Variants in NCKAP5 observed in about 807,000 individuals in gnomAD.
The protein encoded by NCKAP5 is NCK associated protein 5, also known as nck-associated protein 5.
A neutral mutation model predicts 167.0 loss-of-function variants in NCKAP5; 92 were observed. The observed-to-expected ratio is 0.55, with a 90% CI of 0.47 to 0.66. The LOEUF (loss-of-function observed/expected upper bound fraction) is 0.66, where lower values mean the gene tolerates loss of function less well. NCKAP5 is among the 30% of genes least tolerant of loss of function. The pLI is 0.00. For synonymous variants in NCKAP5, 891 were observed against 877.4 expected (o/e 1.02, Z -0.27); for missense variants, 2,378 against 2,315.0 (o/e 1.03, Z -0.56).
chr2:133,622,929 G>T, the NCKAP5 span, among the ~76,000 whole-genome samples: 16 of 152,056 alleles, frequency 1.1e-4, no homozygotes, highest in Non-Finnish European at 1.8e-4. Flanking sequence ...CACCAAAACA[G>T]CATGATACTG....
intron 3 of NCKAP5, among the ~76,000 whole-genome samples, chr2:133,462,407 G>T (rs891824857): frequency 6.6e-6 from 1 of 152,042 alleles, no homozygotes. Context: ...TGCCGGCTTC[G>T]CAAGGCATTT....
At chr2:133,142,424 C>T (rs1382072371) in intron 5 of NCKAP5, among the ~76,000 whole-genome samples, 3 of 152,252 alleles carry the variant, frequency 2.0e-5, no homozygotes, top group South Asian at 4.1e-4. Context: ...ACAGAAGAAA[C>T]GCTTACATCA....
At chr2:133,271,811 A>G (rs1036736233) in intron 4 of NCKAP5, among the ~76,000 whole-genome samples, 1 of 152,230 alleles carries the variant, frequency 6.6e-6, no homozygotes, top group Non-Finnish European at 1.5e-5. Flanking sequence ...TGGGGGTAAA[A>G]GTGATACTGT....
intron 2 of NCKAP5, among the ~76,000 whole-genome samples, chr2:133,544,619 C>G (rs1351979141): frequency 6.6e-6 from 1 of 152,166 alleles, no homozygotes; most frequent in African/African-American, 2.4e-5. Context: ...ATGGGCACTT[C>G]ACTGACAAAT....
In NCKAP5 at chr2:133,251,142, T is replaced by C. The variant is rs893267929; in HGVS notation, c.144-37363A>G. 3.9e-5 allele frequency among the ~76,000 whole-genome samples: 6 copies of C among 152,246 alleles called. No homozygotes were observed. The East Asian group carries it at 7.7e-4, about 20-fold the overall frequency. On this transcript the variant is annotated intron_variant, in intron 4 of 19. Coordinates refer to ENST00000409261, the MANE Select transcript of NCKAP5 (RefSeq NM_207363.3). The stretch of plus-strand genomic sequence containing the variant: ...AGAAAAAATACAGTGTAACAACTGT[T>C]TACACAGCATTTACATTGTTTTAGG...
At chr2:133,200,359 C>A (rs1177182167) in intron 5 of NCKAP5, among the ~76,000 whole-genome samples, 1 of 151,914 alleles carries the variant, frequency 6.6e-6, no homozygotes, top group African/African-American at 2.4e-5. Flanking sequence ...AGCACCAAAG[C>A]AATTCAATAA....
chr2:132,711,020 G>A (rs1312398131), intron 19 of NCKAP5, among the ~76,000 whole-genome samples: 1 of 152,166 alleles, frequency 6.6e-6, no homozygotes, highest in Non-Finnish European at 1.5e-5. Context: ...TCACTCATTC[G>A]ATAAATGTTT....
chr2:132,899,320 T>C (rs887108421), intron 8 of NCKAP5, among the ~76,000 whole-genome samples: 3 of 152,246 alleles, frequency 2.0e-5, no homozygotes, highest in African/African-American at 7.2e-5. Context: ...TGCTCTGGAT[T>C]AGGTTTTGGC....
rs560604359 is a variant in NCKAP5, at chr2:133,452,932, A to T, written c.69+64526T>A. On this transcript the variant is annotated intron_variant, in intron 3 of 19. Coordinates refer to ENST00000409261, the MANE Select transcript of NCKAP5 (RefSeq NM_207363.3). Reference sequence around the variant, plus strand: ...TATTTATATTATTAGATAGTGAGCAACTTGAGGGATCCTCTTTCCTTCTTT... The same window carrying T: ...TATTTATATTATTAGATAGTGAGCATCTTGAGGGATCCTCTTTCCTTCTTT... 2.0e-3 allele frequency among the ~76,000 whole-genome samples: 301 copies of T among 152,270 alleles called. 1 individual carries two copies. The highest frequency in any genetic ancestry group is 6.9e-3 in the African/African-American group (288 of 41,558).
At chr2:133,007,205 T>A (rs1459905377) in intron 6 of NCKAP5, among the ~76,000 whole-genome samples, 2 of 152,088 alleles carry the variant, frequency 1.3e-5, no homozygotes, top group African/African-American at 4.8e-5. Flanking sequence ...AATGAATACA[T>A]CCTCCCAGTC....
At chr2:132,679,564 T>G (rs1418767262) in intron 19 of NCKAP5, among the ~76,000 whole-genome samples, 2 of 152,148 alleles carry the variant, frequency 1.3e-5, no homozygotes, top group Admixed American at 6.5e-5. Flanking sequence ...GCTGGAAAAT[T>G]CTGGTGCTGC....
intron 4 of NCKAP5, among the ~76,000 whole-genome samples, chr2:133,293,771 A>G (rs1679762858): frequency 6.6e-6 from 1 of 152,156 alleles, no homozygotes; most frequent in Admixed American, 6.5e-5. Context: ...CATAGCTGAG[A>G]GGCCAGACTC....
chr2:133,450,040 C>G (rs894748281), intron 3 of NCKAP5, among the ~76,000 whole-genome samples: 1 of 152,060 alleles, frequency 6.6e-6, no homozygotes, highest in East Asian at 1.9e-4. Context: ...CAAAGATGTA[C>G]CTACCAGAAA....
At chr2:133,190,609 AAT>A (rs1437686552) in intron 5 of NCKAP5, among the ~76,000 whole-genome samples, 5 of 152,164 alleles carry the variant, frequency 3.3e-5, no homozygotes, top group African/African-American at 9.7e-5. Context: ...CCTCAGAAAT[AAT>A]ACCACACATC....
intron 3 of NCKAP5, among the ~76,000 whole-genome samples, chr2:133,326,322 C>A (rs1682440249): frequency 6.6e-6 from 1 of 151,972 alleles, no homozygotes; most frequent in Admixed American, 6.6e-5. Flanking sequence ...GGCATGGTGG[C>A]ACATGCTTGT....
rs764170921 is a variant in NCKAP5, at chr2:133,351,127, G to A, written c.70-48017C>T. On this transcript the variant is annotated intron_variant, in intron 3 of 19. Coordinates refer to ENST00000409261, the MANE Select transcript of NCKAP5 (RefSeq NM_207363.3). ...ACATCCCCGGAGCCAGCATGAAGCT[G>A]GTGGACAATTACTTTATAGTTATCG... Among the ~76,000 whole-genome samples, 23 of 152,222 alleles carry A rather than the reference G, an allele frequency of 1.5e-4. No homozygotes were observed. The South Asian group carries it at 2.1e-3, about 14-fold the overall frequency.
intron 16 of NCKAP5, among the ~76,000 whole-genome samples, chr2:132,732,939 G>A (rs1019777301): frequency 6.6e-6 from 1 of 152,096 alleles, no homozygotes; most frequent in Admixed American, 6.5e-5. Flanking sequence ...AGAAGACTGC[G>A]AGCCACTTTC....
the NCKAP5 span, among the ~76,000 whole-genome samples, chr2:133,643,818 C>A: frequency 6.6e-6 from 1 of 152,176 alleles, no homozygotes; most frequent in Non-Finnish European, 1.5e-5. Context: ...GAGACAGGTG[C>A]AATTCTTGAA....
At chr2:133,169,690 G>A (rs138572470) in intron 5 of NCKAP5, among the ~76,000 whole-genome samples, 15 of 152,228 alleles carry the variant, frequency 9.9e-5, no homozygotes, top group East Asian at 5.8e-4. Context: ...GCCCACACCC[G>A]CACACACATG....
Sources: gnomAD v4.1 joint callset for allele counts (sites outside exome capture counted in the v4.1 genomes callset) on GRCh38, gnomAD v4.1.1 for gene constraint, MANE v1.5 for transcripts, NCBI Gene and HGNC (gene_info 2026-07-23, HGNC 2026-07-21) for gene names.